PLCE1: variants seen among roughly 807,000 people sequenced by gnomAD.
The protein encoded by PLCE1 is 1-phosphatidylinositol 4,5-bisphosphate phosphodiesterase epsilon-1.
PLCE1 carries 119 observed loss-of-function variants against 242.8 expected under a neutral mutation model. The ratio of observed to expected loss-of-function variants is 0.49; its 90% CI spans 0.42 to 0.57. The LOEUF (loss-of-function observed/expected upper bound fraction) is 0.57, where lower values mean the gene tolerates loss of function less well. Ranked by LOEUF, PLCE1 falls within the 20% of genes least tolerant of loss-of-function variation. The pLI, the probability that PLCE1 is intolerant of heterozygous loss-of-function variation, is 0.00. For missense variants in PLCE1, 2,441 were observed against 2,788.8 expected (o/e 0.88, Z 2.81); for synonymous variants, 945 against 1,017.4 (o/e 0.93, Z 1.35).
intron 4 of PLCE1, among the ~76,000 whole-genome samples, chr10:94,217,498 G>A (rs1196304308): frequency 6.6e-6 from 1 of 152,076 alleles, no homozygotes; most frequent in Non-Finnish European, 1.5e-5. Flanking sequence ...ATTACAAAAG[G>A]GGAGACTCTG....
intron 18 of PLCE1, 71 bp from the exon 19 acceptor site, chr10:94,273,491 A>T (rs377046475): frequency 1.5e-6 from 2 of 1,369,298 alleles, no homozygotes; most frequent in Non-Finnish European, 2.1e-6. Context: ...TACTATGTTT[A>T]TGAAGTGTAC....
chr10:94,000,834 G>T (rs2060917405), intron 1 of PLCE1, among the ~76,000 whole-genome samples: 2 of 152,176 alleles, frequency 1.3e-5, no homozygotes, highest in South Asian at 4.1e-4. Context: ...AAGTCTCATT[G>T]CCTTCTGCCA....
chr10:94,122,355 G>T (rs1346744352), intron 2 of PLCE1, among the ~76,000 whole-genome samples: 1 of 152,106 alleles, frequency 6.6e-6, no homozygotes, highest in Non-Finnish European at 1.5e-5. Context: ...TAATCCATTT[G>T]TCCTGATTTG....
rs141954130 is a variant in PLCE1, at chr10:94,272,687, T to C, written c.4507-875T>C. On this transcript the variant is annotated intron_variant, in intron 18 of 32. Coordinates refer to ENST00000371380, the MANE Select transcript of PLCE1 (RefSeq NM_016341.4). Reference sequence around the variant, plus strand: ...GCCACGGCTCCAGCTGGTCCCTCCGTTCGGGATCCCTGACTTCCCACAACA... The same window carrying C: ...GCCACGGCTCCAGCTGGTCCCTCCGCTCGGGATCCCTGACTTCCCACAACA... Among the ~76,000 whole-genome samples, 277 of 152,288 alleles carry C rather than the reference T, an allele frequency of 1.8e-3. 1 individual carries two copies. The highest frequency in any genetic ancestry group is 3.5e-3 in the Admixed American group (53 of 15,294).
At chr10:94,301,748 C>G (rs1172487387) in intron 24 of PLCE1, among the ~76,000 whole-genome samples, 1 of 152,202 alleles carries the variant, frequency 6.6e-6, no homozygotes, top group African/African-American at 2.4e-5. Context: ...GGTATGCAAA[C>G]CCCTGGTTAT....
chr10:94,091,307 G>A (rs1308180388), intron 2 of PLCE1, among the ~76,000 whole-genome samples: 5 of 152,040 alleles, frequency 3.3e-5, no homozygotes, highest in African/African-American at 7.2e-5. Context: ...GTACAAAAAG[G>A]GTAAACAATG....
chr10:94,325,919 G>A (rs550172987), intron 32 of PLCE1, among the ~76,000 whole-genome samples: 10 of 152,218 alleles, frequency 6.6e-5, no homozygotes, highest in South Asian at 2.1e-4. Context: ...TCTGGCATCC[G>A]GGATGTGGTT....
chr10:94,068,134 A>T (rs2044247592), intron 2 of PLCE1, among the ~76,000 whole-genome samples: 1 of 152,150 alleles, frequency 6.6e-6, no homozygotes. Flanking sequence ...CTCTTTGCTC[A>T]TGCAGTCACC....
chr10:94,083,902 T>C (rs998578392), intron 2 of PLCE1, among the ~76,000 whole-genome samples: 1 of 152,184 alleles, frequency 6.6e-6, no homozygotes, highest in African/African-American at 2.4e-5. Flanking sequence ...TAAAGGTAAC[T>C]GAGAGTTTGT....
At chr10:94,304,245 G>A (rs1253280901) in intron 24 of PLCE1, among the ~76,000 whole-genome samples, 1 of 152,222 alleles carries the variant, frequency 6.6e-6, no homozygotes, top group Non-Finnish European at 1.5e-5. Context: ...TCCATAGACT[G>A]TAAGCCCCAG....
At chr10:94,151,551 G>A (rs2047275355) in intron 3 of PLCE1, among the ~76,000 whole-genome samples, 1 of 152,212 alleles carries the variant, frequency 6.6e-6, no homozygotes, top group Non-Finnish European at 1.5e-5. Flanking sequence ...ACTGCCAACA[G>A]AAGCATTAGG....
At chr10:94,162,648 T>C (rs2047655897) in intron 3 of PLCE1, among the ~76,000 whole-genome samples, 2 of 152,240 alleles carry the variant, frequency 1.3e-5, no homozygotes, top group Non-Finnish European at 2.9e-5. Context: ...TTTGTGTCTC[T>C]ATTTCCTTCA....
chr10:94,246,437 G>C lies in PLCE1; in HGVS notation c.2912G>C (p.Gly971Ala), dbSNP rs921680781. The C allele has an allele frequency of 1.9e-6, 3 of 1,614,224 alleles. No homozygotes were observed. The highest frequency in any genetic ancestry group is 2.7e-5 in the African/African-American group (2 of 75,064). Residue 971 changes from glycine (G) to alanine (A), a missense_variant, in exon 8 of 33, where the codon GGT becomes GCT. Around this residue, in one of 5 missense-constraint regions of PLCE1, gnomAD observed 1,004 missense variants for 1,322.7 expected, o/e 0.76. Coordinates refer to ENST00000371380, the MANE Select transcript of PLCE1 (RefSeq NM_016341.4). Reference sequence around the variant, plus strand: ...GGTAGCATGTTCCTGTCAGAGACTGGTGTGACATTGCTCTATGGGCTTCAG... The same window carrying C: ...GGTAGCATGTTCCTGTCAGAGACTGCTGTGACATTGCTCTATGGGCTTCAG... ...KLGSMFLSET[G>A]VTLLYGLQTT...
intron 1 of PLCE1, among the ~76,000 whole-genome samples, chr10:94,025,938 T>C (rs1344087104): frequency 6.6e-6 from 1 of 152,252 alleles, no homozygotes; most frequent in African/African-American, 2.4e-5. Context: ...GTAGACCATA[T>C]GGTATTTGTT....
intron 2 of PLCE1, among the ~76,000 whole-genome samples, chr10:94,091,504 A>G (rs1420307052): frequency 6.6e-6 from 1 of 152,200 alleles, no homozygotes; most frequent in Non-Finnish European, 1.5e-5. Flanking sequence ...ACTATAGTTC[A>G]TTATATAACT....
intron 9 of PLCE1, 137 bp downstream of exon 9, chr10:94,252,635 A>G: frequency 1.3e-6 from 1 of 742,466 alleles, no homozygotes; most frequent in Admixed American, 2.1e-5. Context: ...AGGGCTTACC[A>G]CATACCTCCA....
At chr10:94,118,881 C>A (rs563182050) in intron 2 of PLCE1, among the ~76,000 whole-genome samples, 2 of 152,168 alleles carry the variant, frequency 1.3e-5, no homozygotes, top group Non-Finnish European at 2.9e-5. Flanking sequence ...AACTTGAGTG[C>A]AGTTTTAATG....
chr10:94,247,616 T>C (rs111813419), intron 8 of PLCE1, among the ~76,000 whole-genome samples: 1 of 152,190 alleles, frequency 6.6e-6, no homozygotes, highest in Admixed American at 6.5e-5. Context: ...GGTTAATTTC[T>C]TTAAGGTTGA....
chr10:94,252,568 A>G lies in PLCE1; in HGVS notation c.3279+70A>G, dbSNP rs997250827. 1.4e-5 allele frequency: 19 copies of G among 1,327,922 alleles called. No individual in the cohort carries two copies. The East Asian group carries it at 4.5e-4, about 31-fold the overall frequency. 82.3% of individuals were successfully genotyped at this position (1,327,922 alleles called of 1,614,324 possible). On this transcript the variant is annotated intron_variant, in intron 9 of 32. Transcript: ENST00000371380. ...ACCGCTGTATGGTGAACATCACCATAAAACACTTAAGGTTGTTTGGGTTGA... is the reference window on the plus strand; with the variant it reads ...ACCGCTGTATGGTGAACATCACCATGAAACACTTAAGGTTGTTTGGGTTGA...
Sources: allele counts gnomAD v4.1 joint callset (sites outside exome capture counted in the v4.1 genomes callset), GRCh38; gene constraint gnomAD v4.1.1; regional missense constraint gnomAD v4.1.1; transcripts MANE v1.5; gene names NCBI Gene and HGNC (gene_info 2026-07-23, HGNC 2026-07-21).